NLGN1: variants seen among roughly 807,000 people sequenced by gnomAD.
The protein encoded by NLGN1 is neuroligin-1.
Under a neutral mutation model 65.5 loss-of-function variants are expected in NLGN1, and 12 were observed. That is an observed-to-expected ratio of 0.18 (90% CI 0.12 to 0.30). The LOEUF (loss-of-function observed/expected upper bound fraction) is 0.30. Among genes scored for constraint, NLGN1 ranks in the 10% least tolerant of loss-of-function variants. The pLI, the probability that NLGN1 is intolerant of heterozygous loss-of-function variation, is 1.00. For missense variants in NLGN1, 750 were observed against 1,007.1 expected, an observed-to-expected ratio of 0.74 and a Z score of 3.46; for synonymous variants, 350 against 359.5, an observed-to-expected ratio of 0.97 and a Z score of 0.30.
chr3:173,665,399 T>C (rs1335709004), intron 3 of NLGN1, among the ~76,000 whole-genome samples: 2 of 152,212 alleles, frequency 1.3e-5, no homozygotes, highest in Non-Finnish European at 2.9e-5. Context: ...TGTGAGTTAA[T>C]TAAACCTCTT....
chr3:173,737,899 T>C (rs1220263370), intron 3 of NLGN1, among the ~76,000 whole-genome samples: 2 of 152,040 alleles, frequency 1.3e-5, no homozygotes, highest in African/African-American at 4.8e-5. Context: ...CCAACTTCTC[T>C]GCATCCTCAC....
intron 2 of NLGN1, among the ~76,000 whole-genome samples, chr3:173,485,226 C>A (rs988225171): frequency 6.6e-6 from 1 of 151,360 alleles, no homozygotes; most frequent in Non-Finnish European, 1.5e-5. Context: ...ATGATTCAGT[C>A]ATCTCCCACT....
intron 4 of NLGN1, among the ~76,000 whole-genome samples, chr3:174,218,213 G>C (rs149213383): frequency 1.3e-5 from 2 of 152,008 alleles, no homozygotes; most frequent in East Asian, 3.9e-4. Context: ...AGAAAACTAT[G>C]ACTAATACCA....
At chr3:173,914,127 C>G (rs1380031102) in intron 4 of NLGN1, among the ~76,000 whole-genome samples, 1 of 152,118 alleles carries the variant, frequency 6.6e-6, no homozygotes, top group East Asian at 1.9e-4. Flanking sequence ...TTCTGCCTCC[C>G]TAGGTACTCC....
intron 4 of NLGN1, among the ~76,000 whole-genome samples, chr3:173,896,952 C>T (rs1420300298): frequency 1.3e-5 from 2 of 152,158 alleles, no homozygotes; most frequent in Non-Finnish European, 2.9e-5. Flanking sequence ...CCCTGATTAC[C>T]ACACTTACTA....
chr3:173,680,960 TA>T (rs909408345), intron 3 of NLGN1, among the ~76,000 whole-genome samples: 5 of 152,188 alleles, frequency 3.3e-5, no homozygotes, highest in Non-Finnish European at 5.9e-5. Flanking sequence ...ACATTTTTTT[TA>T]AAACCCTATA....
At chr3:174,257,927 G>A (rs1021922048) in intron 4 of NLGN1, among the ~76,000 whole-genome samples, 37 of 149,612 alleles carry the variant, frequency 2.5e-4, no homozygotes, top group African/African-American at 8.2e-4. Context: ...TATAAAGTTC[G>A]AAAAATAGTA....
rs545809984 is a variant in NLGN1 at position 173,575,150 on chromosome 3, T to C, written c.-320-29129T>C. Among the ~76,000 whole-genome samples the C allele has an allele frequency of 7.2e-5, 11 of 152,138 alleles. No homozygotes were observed. The East Asian group carries it at 2.1e-3, about 29-fold the overall frequency. On this transcript the variant is annotated intron_variant, in intron 2 of 6. Coordinates refer to ENST00000457714, the Ensembl canonical transcript of NLGN1. Reference sequence around the variant, plus strand: ...GCCTTGGCCTCCCAAAGCCCTAGGATTGCAGGTGTGAGCCACTGCACCCAG... The same window carrying C: ...GCCTTGGCCTCCCAAAGCCCTAGGACTGCAGGTGTGAGCCACTGCACCCAG...
downstream of NLGN1, among the ~76,000 whole-genome samples, chr3:174,290,543 C>T (rs564712667): frequency 3.5e-4 from 53 of 151,070 alleles, no homozygotes; most frequent in Admixed American, 1.9e-3. Context: ...CATAAAACAG[C>T]ATAAACAATA....
chr3:173,409,816 A>G lies in NLGN1; in HGVS notation c.-390+11329A>G, dbSNP rs139225983. Among the ~76,000 whole-genome samples, 417 of 152,346 alleles carry G rather than the reference A, an allele frequency of 2.7e-3. 3 individuals carry two copies. Among genetic ancestry groups the G allele is most frequent in the African/African-American group, 9.4e-3 (390 of 41,574 alleles). ...AGAATGAAACATAAAAAAGACAAGT[A>G]TTGATGGGGAAGGCCAGGAAGATCA... On this transcript the variant is annotated intron_variant, in intron 1 of 6. Coordinates refer to ENST00000457714, the Ensembl canonical transcript of NLGN1.
intron 2 of NLGN1, among the ~76,000 whole-genome samples, chr3:173,603,573 T>C (rs1750907616): frequency 6.6e-6 from 1 of 152,092 alleles, no homozygotes; most frequent in African/African-American, 2.4e-5. Context: ...ATAACTTGTC[T>C]GCAAAAAAAG....
chr3:174,060,080 A>T (rs1220739464), intron 4 of NLGN1, among the ~76,000 whole-genome samples: 1 of 152,122 alleles, frequency 6.6e-6, no homozygotes, highest in Non-Finnish European at 1.5e-5. Flanking sequence ...CACCAATGTG[A>T]TCCTAAATTC....
intron 4 of NLGN1, among the ~76,000 whole-genome samples, chr3:174,028,820 G>A (rs188093435): frequency 2.6e-5 from 4 of 152,268 alleles, no homozygotes; most frequent in East Asian, 3.9e-4. Flanking sequence ...GGTATTCATG[G>A]CAGCCCCTCT....
At chr3:173,872,204 C>T (rs949564098) in intron 4 of NLGN1, among the ~76,000 whole-genome samples, 1 of 152,158 alleles carries the variant, frequency 6.6e-6, no homozygotes, top group Non-Finnish European at 1.5e-5. Context: ...ATGTCTAAGC[C>T]AAACAGGCAG....
intron 4 of NLGN1, among the ~76,000 whole-genome samples, chr3:173,941,597 TAAAC>T (rs1223539580): frequency 3.3e-5 from 5 of 151,966 alleles, no homozygotes; most frequent in African/African-American, 1.2e-4. Flanking sequence ...GATGTTCAAA[TAAAC>T]AAAAGCAAAG....
intron 2 of NLGN1, among the ~76,000 whole-genome samples, chr3:173,442,158 T>C (rs1719317247): frequency 6.6e-6 from 1 of 152,170 alleles, no homozygotes; most frequent in Admixed American, 6.6e-5. Flanking sequence ...CTTAAATCTG[T>C]TACGCAGTTT....
At chr3:173,792,620 G>C (rs761154017) in intron 3 of NLGN1, among the ~76,000 whole-genome samples, 1 of 151,906 alleles carries the variant, frequency 6.6e-6, no homozygotes, top group Non-Finnish European at 1.5e-5. Context: ...TTGTTCAACG[G>C]CACAAGACTC....
At chr3:173,684,914 T>C (rs1764471020) in intron 3 of NLGN1, among the ~76,000 whole-genome samples, 1 of 152,194 alleles carries the variant, frequency 6.6e-6, no homozygotes, top group African/African-American at 2.4e-5. Flanking sequence ...TAATCCTTGC[T>C]CTACTTCTGA....
chr3:173,534,724 C>T (rs1737159626), intron 2 of NLGN1, among the ~76,000 whole-genome samples: 1 of 151,960 alleles, frequency 6.6e-6, no homozygotes, highest in Admixed American at 6.6e-5. Context: ...CAGTAATTAC[C>T]CAAGGCCACA....
Sources: gnomAD v4.1 joint callset for allele counts (sites outside exome capture counted in the v4.1 genomes callset) on GRCh38, gnomAD v4.1.1 for gene constraint, MANE v1.5 for transcripts, NCBI Gene and HGNC (gene_info 2026-07-23, HGNC 2026-07-21) for gene names.